CDH13: variants seen among roughly 807,000 people sequenced by gnomAD.
The protein encoded by CDH13 is cadherin 13, also known as cadherin-13.
CDH13 carries 24 observed loss-of-function variants against 63.8 expected under a neutral mutation model. The observed-to-expected ratio is 0.38, with a 90% confidence interval of 0.27 to 0.53. CDH13 has a LOEUF of 0.53. CDH13 is among the 20% of genes least tolerant of loss of function. The probability of loss-of-function intolerance (pLI) is 0.85; values close to 1 mark genes in which losing one functional copy is unlikely to be tolerated. For synonymous variants in CDH13, 503 were observed against 355.3 expected, an observed-to-expected ratio of 1.42 and a Z score of -4.67; for missense variants, 1,049 against 903.1, an observed-to-expected ratio of 1.16 and a Z score of -2.07.
At chr16:83,066,978 T>C (rs1306153081) in intron 3 of CDH13, among the ~76,000 whole-genome samples, 1 of 152,192 alleles carries the variant, frequency 6.6e-6, no homozygotes, top group African/African-American at 2.4e-5. Context: ...TCAGCAATTT[T>C]TCCTGCCTCT....
At chr16:83,138,657 A>T (rs1052594093) in intron 4 of CDH13, among the ~76,000 whole-genome samples, 12 of 152,162 alleles carry the variant, frequency 7.9e-5, no homozygotes, top group Non-Finnish European at 1.8e-4. Context: ...TGGAATTTGG[A>T]CCTTTTTCTA....
intron 7 of CDH13, among the ~76,000 whole-genome samples, chr16:83,498,769 TA>T (rs1253936103): frequency 6.6e-6 from 1 of 152,218 alleles, no homozygotes; most frequent in Non-Finnish European, 1.5e-5. Flanking sequence ...ACTTTCTTTT[TA>T]ACACAGAAAA....
intron 10 of CDH13, among the ~76,000 whole-genome samples, chr16:83,679,162 A>C (rs953391489): frequency 5.9e-5 from 9 of 152,208 alleles, no homozygotes; most frequent in African/African-American, 2.2e-4. Flanking sequence ...GTGCTTAGAT[A>C]GAAAGCATTT....
intron 4 of CDH13, among the ~76,000 whole-genome samples, chr16:83,208,934 A>T (rs2039257507): frequency 6.6e-6 from 1 of 152,162 alleles, no homozygotes; most frequent in African/African-American, 2.4e-5. Flanking sequence ...GGACCCCTGC[A>T]AATTATAAGG....
intron 2 of CDH13, among the ~76,000 whole-genome samples, chr16:82,971,871 G>A (rs796916279): frequency 7.9e-5 from 12 of 152,228 alleles, no homozygotes; most frequent in African/African-American, 1.9e-4. Flanking sequence ...TTGCAGGGAC[G>A]GATTCTGCAT....
intron 1 of CDH13, among the ~76,000 whole-genome samples, chr16:82,833,100 A>C: frequency 6.6e-6 from 1 of 152,224 alleles, no homozygotes; most frequent in Non-Finnish European, 1.5e-5. Context: ...GATGGCAGAC[A>C]GAAGGAGAGC....
At chr16:83,689,327 T>C (rs140852119) in intron 10 of CDH13, among the ~76,000 whole-genome samples, 6 of 152,280 alleles carry the variant, frequency 3.9e-5, no homozygotes, top group African/African-American at 1.4e-4. Flanking sequence ...TAAGGATTGC[T>C]ATATAAGCTA....
intron 4 of CDH13, among the ~76,000 whole-genome samples, chr16:83,127,265 C>T (rs912053139): frequency 9.9e-5 from 15 of 152,156 alleles, no homozygotes; most frequent in Non-Finnish European, 1.5e-4. Flanking sequence ...GTGCATGCAG[C>T]AGGGGACCAC....
intron 8 of CDH13, among the ~76,000 whole-genome samples, chr16:83,612,925 C>T (rs1212599711): frequency 6.6e-6 from 1 of 152,134 alleles, no homozygotes; most frequent in Non-Finnish European, 1.5e-5. Context: ...TGTGCTTCCA[C>T]ATGGAAGAAT....
chr16:83,046,229 C>T (rs1317225087), intron 3 of CDH13, among the ~76,000 whole-genome samples: 1 of 152,200 alleles, frequency 6.6e-6, no homozygotes, highest in Admixed American at 6.5e-5. Flanking sequence ...CTTCATCTCA[C>T]TGGGGCCCAT....
intron 7 of CDH13, among the ~76,000 whole-genome samples, chr16:83,516,302 T>C (rs905264875): frequency 2.6e-5 from 4 of 152,192 alleles, no homozygotes; most frequent in Non-Finnish European, 2.9e-5. Context: ...TCTCTTCTCA[T>C]CAGAGTGGGG....
At chr16:83,049,015 C>A in intron 3 of CDH13, among the ~76,000 whole-genome samples, 1 of 152,182 alleles carries the variant, frequency 6.6e-6, no homozygotes, top group East Asian at 1.9e-4. Flanking sequence ...GGAAACTGAA[C>A]AGCTGATTTC....
At chr16:83,075,560 T>C (rs1485343893) in intron 3 of CDH13, among the ~76,000 whole-genome samples, 1 of 152,188 alleles carries the variant, frequency 6.6e-6, no homozygotes, top group Non-Finnish European at 1.5e-5. Context: ...GCGTACCTTG[T>C]TCCCTTGCTG....
At chr16:83,393,905 A>G (rs543727895) in intron 6 of CDH13, among the ~76,000 whole-genome samples, 1 of 152,188 alleles carries the variant, frequency 6.6e-6, no homozygotes, top group Non-Finnish European at 1.5e-5. Flanking sequence ...AACATAGAAT[A>G]CTATGCAGCC....
chr16:82,688,993 C>A (rs566923882), intron 1 of CDH13: 8 of 152,154 alleles, frequency 5.3e-5, no homozygotes, highest in Non-Finnish European at 8.8e-5. Flanking sequence ...GGCACCTGGA[C>A]TTTGATCTTG....
chr16:83,078,821 C>G (rs181049315), intron 3 of CDH13, among the ~76,000 whole-genome samples: 596 of 152,240 alleles, frequency 3.9e-3, no homozygotes, highest in Non-Finnish European at 5.6e-3. Context: ...GAGACAGAGT[C>G]TTGCTGTTGT....
intron 6 of CDH13, among the ~76,000 whole-genome samples, chr16:83,486,141 T>TAAAAAAAGAAAA (rs138896605): frequency 6.6e-6 from 1 of 150,708 alleles, no homozygotes; most frequent in Admixed American, 6.6e-5. Context: ...AGACTCTGTC[T>TAAAAAAAGAAAA]AAAAAAATGA....
At chr16:82,917,714 C>G (rs2042032181) in intron 2 of CDH13, among the ~76,000 whole-genome samples, 1 of 151,994 alleles carries the variant, frequency 6.6e-6, no homozygotes, top group Non-Finnish European at 1.5e-5. Context: ...GAGTTTAAGA[C>G]CAGCCTGACC....
At chr16:82,732,098 A>G (rs758018274) in intron 1 of CDH13, among the ~76,000 whole-genome samples, 2 of 152,160 alleles carry the variant, frequency 1.3e-5, no homozygotes, top group Non-Finnish European at 2.9e-5. Flanking sequence ...TCCTTGTGAC[A>G]CTTGACTTAA....
Sources: gnomAD v4.1 joint callset for allele counts (sites outside exome capture counted in the v4.1 genomes callset) on GRCh38, gnomAD v4.1.1 for gene constraint, MANE v1.5 for transcripts, NCBI Gene and HGNC (gene_info 2026-07-23, HGNC 2026-07-21) for gene names.